The following ADAMTSL1 variants were observed in gnomAD, a reference collection of about 807,000 sequenced individuals.
The protein encoded by ADAMTSL1 is ADAMTS like 1, also known as ADAMTS-like protein 1.
In ADAMTSL1, 126 loss-of-function variants were observed where a neutral mutation model predicts 201.8. The ratio of observed to expected loss-of-function variants is 0.62; its 90% CI spans 0.54 to 0.72. The LOEUF is 0.72. Ranked by LOEUF, ADAMTSL1 falls within the 30% of genes least tolerant of loss-of-function variation. The pLI is 0.00. For missense variants in ADAMTSL1, 2,679 were observed against 2,277.8 expected (o/e 1.18, Z -3.59); for synonymous variants, 1,121 against 903.4 (o/e 1.24, Z -4.32).
intron 2 of ADAMTSL1, among the ~76,000 whole-genome samples, chr9:18,411,413 G>A (rs980984035): frequency 7.9e-5 from 12 of 151,336 alleles, no homozygotes; most frequent in African/African-American, 2.9e-4. Flanking sequence ...TGCCCAGGCT[G>A]GTCTCAAACT....
chr9:18,303,065 A>T (rs560941199), intron 2 of ADAMTSL1, among the ~76,000 whole-genome samples: 1 of 152,210 alleles, frequency 6.6e-6, no homozygotes, highest in Non-Finnish European at 1.5e-5. Context: ...AGTATACTTA[A>T]ATAATCGAAA....
intron 1 of ADAMTSL1, among the ~76,000 whole-genome samples, chr9:17,999,093 A>G (rs1819504326): frequency 6.6e-6 from 1 of 152,118 alleles, no homozygotes; most frequent in Non-Finnish European, 1.5e-5. Flanking sequence ...TAAAGAAATA[A>G]TAACATGAAC....
intron 4 of ADAMTSL1, among the ~76,000 whole-genome samples, chr9:18,580,388 C>G (rs1331776036): frequency 6.6e-6 from 1 of 152,166 alleles, no homozygotes; most frequent in Non-Finnish European, 1.5e-5. Context: ...ACCTAAGTCA[C>G]TAGTATCAAA....
intron 2 of ADAMTSL1, among the ~76,000 whole-genome samples, chr9:18,180,038 A>G (rs980323908): frequency 2.6e-5 from 4 of 152,306 alleles, no homozygotes; most frequent in African/African-American, 9.6e-5. Flanking sequence ...TTAACTTTAA[A>G]TATAAATGGA....
chr9:18,125,493 C>T (rs779497718), intron 1 of ADAMTSL1, among the ~76,000 whole-genome samples: 2 of 152,110 alleles, frequency 1.3e-5, no homozygotes, highest in Admixed American at 6.5e-5. Context: ...TCTAACAAAC[C>T]ATTACCTAAT....
rs1035233139 is a variant in ADAMTSL1 at position 18,006,262 on chromosome 9, A to T, written c.87+99340A>T. Reference sequence around the variant, plus strand: ...AATAACTTCAACAGCATAGAAACATAGTAAAATAATTAGGACATTCTGTTT... The same window carrying T: ...AATAACTTCAACAGCATAGAAACATTGTAAAATAATTAGGACATTCTGTTT... On this transcript the variant is annotated intron_variant, in intron 1 of 29. Coordinates refer to the ADAMTSL1 transcript ENST00000680146. Among the ~76,000 whole-genome samples the T allele has an allele frequency of 2.6e-5, 4 of 152,042 alleles. No homozygotes were observed. In the South Asian group the frequency reaches 8.3e-4, roughly 31 times the overall value.
chr9:18,229,231 T>C (rs545776466), intron 2 of ADAMTSL1, among the ~76,000 whole-genome samples: 1 of 152,238 alleles, frequency 6.6e-6, no homozygotes, highest in South Asian at 2.1e-4. Context: ...AGGAACATAG[T>C]CAACTGGTCA....
intron 2 of ADAMTSL1, among the ~76,000 whole-genome samples, chr9:18,249,896 C>A (rs1201359246): frequency 2.6e-5 from 4 of 152,132 alleles, no homozygotes; most frequent in African/African-American, 9.7e-5. Context: ...CTCCGAGGGG[C>A]AATCTCTAAT....
At chr9:18,405,131 A>T (rs1818135855) in intron 2 of ADAMTSL1, among the ~76,000 whole-genome samples, 1 of 152,162 alleles carries the variant, frequency 6.6e-6, no homozygotes, top group South Asian at 2.1e-4. Context: ...GTATAGCTGC[A>T]TCTTTTTCTT....
intron 15 of ADAMTSL1, among the ~76,000 whole-genome samples, chr9:18,725,215 C>A (rs1043774024): frequency 3.3e-5 from 5 of 152,112 alleles, no homozygotes; most frequent in African/African-American, 1.2e-4. Flanking sequence ...CAGGATTGAA[C>A]CTTTTATGTT....
intron 7 of ADAMTSL1, among the ~76,000 whole-genome samples, chr9:18,649,963 C>A: frequency 6.6e-6 from 1 of 152,182 alleles, no homozygotes; most frequent in Non-Finnish European, 1.5e-5. Context: ...TTACTGCTGT[C>A]TTTTTGTTTG....
chr9:18,169,689 G>T (rs1330091146), intron 2 of ADAMTSL1, among the ~76,000 whole-genome samples: 4 of 152,090 alleles, frequency 2.6e-5, no homozygotes. Context: ...GATGGAGATG[G>T]CATTGAATCT....
intron 23 of ADAMTSL1, among the ~76,000 whole-genome samples, chr9:18,849,722 A>T (rs1826359304): frequency 6.6e-6 from 1 of 152,206 alleles, no homozygotes; most frequent in Non-Finnish European, 1.5e-5. Context: ...TGGAAGGCCG[A>T]GGTTTTATGT....
At chr9:18,370,978 T>C (rs1320374497) in intron 2 of ADAMTSL1, among the ~76,000 whole-genome samples, 1 of 152,196 alleles carries the variant, frequency 6.6e-6, no homozygotes, top group Non-Finnish European at 1.5e-5. Flanking sequence ...GACGCTGCCT[T>C]GAAAGCCATT....
At chr9:17,951,153 A>G (rs979263800) in intron 1 of ADAMTSL1, among the ~76,000 whole-genome samples, 2 of 152,176 alleles carry the variant, frequency 1.3e-5, no homozygotes, top group African/African-American at 4.8e-5. Context: ...CACAGGGGGC[A>G]AGGGAGTCCT....
intron 1 of ADAMTSL1, among the ~76,000 whole-genome samples, chr9:17,939,713 C>T (rs1007977738): frequency 2.6e-5 from 4 of 152,120 alleles, no homozygotes; most frequent in African/African-American, 9.7e-5. Context: ...ATTGAACACA[C>T]ATTGTACTCC....
intron 2 of ADAMTSL1, among the ~76,000 whole-genome samples, chr9:18,233,806 C>G (rs1228838197): frequency 6.6e-6 from 1 of 152,146 alleles, no homozygotes; most frequent in Non-Finnish European, 1.5e-5. Context: ...GAAATGACTT[C>G]TGGGTTTGGG....
chr9:18,851,161 G>A (rs1295048277), intron 23 of ADAMTSL1, among the ~76,000 whole-genome samples: 1 of 152,020 alleles, frequency 6.6e-6, no homozygotes, highest in Non-Finnish European at 1.5e-5. Flanking sequence ...TGCCATATGG[G>A]AAGTTTCATT....
At position 18,639,297 on chromosome 9, in the gene ADAMTSL1, T is replaced by A; in HGVS notation, c.720T>A (p.Ser240Arg). ...KTLQGTKGENSLSSTGTFLVD... is the reference protein window; with the variant it reads ...KTLQGTKGENRLSSTGTFLVD... ...TCCAGGGGACTAAAGGTGAAAACAG[T>A]CTCAGCTCCACAGGAACTTTCCTTG... Residue 240 changes from serine (S) to arginine (R), a missense_variant, in exon 7 of 29, where the codon AGT (serine) becomes AGA (arginine). By Grantham distance (110) the Ser-to-Arg change is moderately radical. Transcript: ENST00000380548. The A allele has an allele frequency of 6.2e-7, 1 of 1,613,014 alleles. No homozygotes were observed. The highest frequency in any genetic ancestry group is 8.5e-7 in the Non-Finnish European group (1 of 1,179,314).
Sources: allele counts gnomAD v4.1 joint callset (sites outside exome capture counted in the v4.1 genomes callset), GRCh38; gene constraint gnomAD v4.1.1; transcripts MANE v1.5; gene names NCBI Gene and HGNC (gene_info 2026-07-23, HGNC 2026-07-21).